The following NEGR1 variants were observed in gnomAD, a reference collection of about 807,000 sequenced individuals.
NEGR1 encodes the protein neuronal growth regulator 1.
In NEGR1, 10 loss-of-function variants were observed where a neutral mutation model predicts 40.9. The observed-to-expected ratio is 0.24, with a 90% CI of 0.15 to 0.42. The LOEUF (loss-of-function observed/expected upper bound fraction) is 0.42. NEGR1 is among the 10% of genes least tolerant of loss of function. The probability of loss-of-function intolerance (pLI) is 1.00; values close to 1 mark genes in which losing one functional copy is unlikely to be tolerated. For missense variants in NEGR1, 352 were observed against 438.9 expected (o/e 0.80, Z 1.77); for synonymous variants, 185 against 166.8 (o/e 1.11, Z -0.84).
intron 1 of NEGR1, among the ~76,000 whole-genome samples, chr1:72,124,117 A>C (rs1359093723): frequency 6.6e-6 from 1 of 152,060 alleles, no homozygotes; most frequent in Non-Finnish European, 1.5e-5. Flanking sequence ...TGGCTTGCTC[A>C]TCTCTTGCCT....
At chr1:71,417,995 A>T (rs1223872293) in intron 6 of NEGR1, among the ~76,000 whole-genome samples, 1 of 152,094 alleles carries the variant, frequency 6.6e-6, no homozygotes, top group East Asian at 1.9e-4. Context: ...TCATCCACTA[A>T]ACAAATAATG....
chr1:72,130,431 TACA>T (rs914430279), intron 1 of NEGR1, among the ~76,000 whole-genome samples: 3 of 152,120 alleles, frequency 2.0e-5, no homozygotes, highest in Admixed American at 6.5e-5. Context: ...TATACTGGAG[TACA>T]ACGTCACTTT....
intron 2 of NEGR1, among the ~76,000 whole-genome samples, chr1:71,802,798 T>C (rs1254627542): frequency 6.6e-6 from 1 of 152,206 alleles, no homozygotes; most frequent in African/African-American, 2.4e-5. Context: ...TCTAATCCAC[T>C]GTTGTAATTT....
At chr1:71,812,621 T>C (rs1658042951) in intron 2 of NEGR1, among the ~76,000 whole-genome samples, 1 of 152,158 alleles carries the variant, frequency 6.6e-6, no homozygotes, top group Non-Finnish European at 1.5e-5. Context: ...CTTACTGCAG[T>C]TTTGTTTTGC....
At chr1:71,978,564 T>A (rs916417915) in intron 1 of NEGR1, among the ~76,000 whole-genome samples, 4 of 152,046 alleles carry the variant, frequency 2.6e-5, no homozygotes, top group Non-Finnish European at 5.9e-5. Context: ...ACAGACACTT[T>A]TCAAAGGAAG....
chr1:71,854,296 C>G lies in NEGR1; in HGVS notation c.410-77999G>C, dbSNP rs542789588. ...AAATTACTTCCCCTAACTATGTGCT[C>G]TTATACTTCGGGCCCAAATTATATT... On this transcript the variant is annotated intron_variant, in intron 2 of 6. Transcript: ENST00000357731. Among the ~76,000 whole-genome samples the G allele has an allele frequency of 2.6e-5, 4 of 152,182 alleles. No individual in the cohort carries two copies. The East Asian group carries it at 5.8e-4, about 22-fold the overall frequency.
intron 6 of NEGR1, among the ~76,000 whole-genome samples, chr1:71,505,258 T>C (rs1647024286): frequency 6.6e-6 from 1 of 152,178 alleles, no homozygotes. Context: ...CACCCTGTGG[T>C]GCCTAGCCCC....
intron 2 of NEGR1, among the ~76,000 whole-genome samples, chr1:71,931,304 A>G (rs1645853393): frequency 6.6e-6 from 1 of 152,174 alleles, no homozygotes; most frequent in South Asian, 2.1e-4. Context: ...TTTATTTAAT[A>G]CACGCTATCT....
At chr1:71,494,589 T>C (rs1302232683) in intron 6 of NEGR1, among the ~76,000 whole-genome samples, 1 of 152,162 alleles carries the variant, frequency 6.6e-6, no homozygotes, top group Admixed American at 6.5e-5. Flanking sequence ...AATTATCAAA[T>C]CCAAGTTTAG....
At chr1:71,549,641 T>G (rs944612779) in intron 6 of NEGR1, among the ~76,000 whole-genome samples, 2 of 151,692 alleles carry the variant, frequency 1.3e-5, no homozygotes, top group African/African-American at 4.8e-5. Context: ...GTAGTGAAAC[T>G]GGATGAATCT....
intron 4 of NEGR1, among the ~76,000 whole-genome samples, chr1:71,673,931 G>T (rs960587948): frequency 6.6e-6 from 1 of 151,976 alleles, no homozygotes; most frequent in Non-Finnish European, 1.5e-5. Context: ...GTTACTGTTA[G>T]AAAACATTTT....
chr1:71,828,883 G>A (rs1284632360), intron 2 of NEGR1, among the ~76,000 whole-genome samples: 7 of 151,942 alleles, frequency 4.6e-5, no homozygotes, highest in South Asian at 4.1e-4. Context: ...CACTACTGAC[G>A]GCTGAGCCAT....
intron 6 of NEGR1, among the ~76,000 whole-genome samples, chr1:71,450,659 A>C (rs1361373601): frequency 2.0e-5 from 3 of 150,610 alleles, no homozygotes; most frequent in Non-Finnish European, 3.0e-5. Context: ...ATACGAAAAA[A>C]ATTAGCTGGG....
At chr1:71,797,190 T>C (rs1267846160) in intron 2 of NEGR1, among the ~76,000 whole-genome samples, 1 of 152,176 alleles carries the variant, frequency 6.6e-6, no homozygotes, top group Non-Finnish European at 1.5e-5. Flanking sequence ...GTAATGTGCC[T>C]CGCAGTACCA....
At chr1:71,754,554 T>G (rs1472488717) in intron 3 of NEGR1, among the ~76,000 whole-genome samples, 1 of 152,136 alleles carries the variant, frequency 6.6e-6, no homozygotes, top group Non-Finnish European at 1.5e-5. Flanking sequence ...TCTCTTAGAA[T>G]AGCATCCCTA....
At position 71,407,118 on chromosome 1, in the gene NEGR1, A is replaced by G. The variant is rs573742027; in HGVS notation, c.*328T>C. On this transcript the variant is annotated 3_prime_UTR_variant, in exon 7 of 7. Transcript: ENST00000357731. ...TGCAATATTCGTTTTTGTAAACTAC[A>G]GCCTGCAACCTAGCAGACCATGACT... 7 of 171,804 alleles carry G rather than the reference A, an allele frequency of 4.1e-5. No homozygotes were observed. In the South Asian group the frequency reaches 1.1e-3, roughly 27 times the overall value. 10.6% of individuals were successfully genotyped at this position (171,804 alleles called of 1,614,324 possible). A position where few individuals can be genotyped will look rare whatever the true frequency, so the allele number is the denominator to read the frequency against.
chr1:71,924,782 C>A (rs191977871), intron 2 of NEGR1, among the ~76,000 whole-genome samples: 1 of 152,036 alleles, frequency 6.6e-6, no homozygotes, highest in Non-Finnish European at 1.5e-5. Context: ...TACTACAACA[C>A]GCATTCACTA....
At chr1:71,440,906 G>T (rs1271569512) in intron 6 of NEGR1, among the ~76,000 whole-genome samples, 2 of 152,190 alleles carry the variant, frequency 1.3e-5, no homozygotes, top group Non-Finnish European at 2.9e-5. Flanking sequence ...GAAAGATTTT[G>T]AATATTAATG....
intron 6 of NEGR1, among the ~76,000 whole-genome samples, chr1:71,589,916 G>A (rs1649441933): frequency 6.6e-6 from 1 of 151,980 alleles, no homozygotes; most frequent in South Asian, 2.1e-4. Flanking sequence ...CATCTTCATC[G>A]TGTCAACTTG....
Sources: allele counts gnomAD v4.1 joint callset (sites outside exome capture counted in the v4.1 genomes callset), GRCh38; gene constraint gnomAD v4.1.1; transcripts MANE v1.5; gene names NCBI Gene and HGNC (gene_info 2026-07-23, HGNC 2026-07-21).